ADGRB3: variants seen among roughly 807,000 people sequenced by gnomAD.
ADGRB3 encodes the protein adhesion G protein-coupled receptor B3.
Under a neutral mutation model 193.4 loss-of-function variants are expected in ADGRB3, and 37 were observed. The observed-to-expected ratio is 0.19, with a 90% CI of 0.15 to 0.25. ADGRB3 has a LOEUF of 0.25. ADGRB3 is among the 10% of genes least tolerant of loss of function. ADGRB3 has a pLI of 1.00. For missense variants in ADGRB3, 1,637 were observed against 1,852.9 expected (o/e 0.88, Z 2.14); for synonymous variants, 690 against 644.2 (o/e 1.07, Z -1.08).
At chr6:68,923,797 G>A (rs1181289969) in intron 3 of ADGRB3, among the ~76,000 whole-genome samples, 1 of 151,944 alleles carries the variant, frequency 6.6e-6, no homozygotes, top group Non-Finnish European at 1.5e-5. Flanking sequence ...TGGCAGAAAA[G>A]CAACCAAGCC....
chr6:69,038,204 C>G (rs1770929805), intron 13 of ADGRB3, among the ~76,000 whole-genome samples: 1 of 151,986 alleles, frequency 6.6e-6, no homozygotes, highest in East Asian at 1.9e-4. Context: ...TTGGGAAGCC[C>G]TTGTATTTTT....
chr6:69,011,909 A>T (rs1045064816), intron 11 of ADGRB3, among the ~76,000 whole-genome samples: 1 of 152,050 alleles, frequency 6.6e-6, no homozygotes, highest in Non-Finnish European at 1.5e-5. Context: ...AATAGTGAGA[A>T]CAAATAACTT....
chr6:68,977,394 A>G (rs1768781590), intron 10 of ADGRB3, among the ~76,000 whole-genome samples: 1 of 152,112 alleles, frequency 6.6e-6, no homozygotes, highest in African/African-American at 2.4e-5. Context: ...GAATAATTAC[A>G]GGGATTAAGT....
Position 69,233,324 on chromosome 6 carries a change from T to C in ADGRB3, c.2515T>C (p.Cys839Arg). The C allele has an allele frequency of 6.2e-7, 1 of 1,614,120 alleles. No individual in the cohort carries two copies. The highest frequency in any genetic ancestry group is 8.5e-7 in the Non-Finnish European group (1 of 1,180,020). The change falls in exon 18 of 32, where the codon TGT becomes CGT. Residue 839 changes from cysteine to arginine, a missense_variant. Physicochemically the swap from Cys to Arg is radical, Grantham distance 180. Coordinates refer to ENST00000370598, the MANE Select transcript of ADGRB3 (RefSeq NM_001704.3). ...TTTGGGAACGTGGTCCACCCAGGGATGTAAAACTGTGCTTACCGATGCATC... is the reference window on the plus strand; with the variant it reads ...TTTGGGAACGTGGTCCACCCAGGGACGTAAAACTGTGCTTACCGATGCATC... ...ESLGTWSTQG[C>R]KTVLTDASHT...
chr6:69,299,913 A>G (rs969724583), intron 20 of ADGRB3, among the ~76,000 whole-genome samples: 3 of 151,768 alleles, frequency 2.0e-5, no homozygotes, highest in Non-Finnish European at 4.4e-5. Flanking sequence ...TTCTATTTAT[A>G]TGAAGACTAT....
At chr6:68,810,577 A>G (rs563823267) in intron 3 of ADGRB3, among the ~76,000 whole-genome samples, 1 of 152,198 alleles carries the variant, frequency 6.6e-6, no homozygotes, top group African/African-American at 2.4e-5. Flanking sequence ...TCCAGGTCTT[A>G]GTTTTCTCCT....
In ADGRB3 at chr6:69,354,333, GT is replaced by G. The variant is rs542664193; in HGVS notation, c.3555+10del. The G allele has an allele frequency of 1.1e-3, 1,809 of 1,605,322 alleles. 1 individual carries two copies. Among genetic ancestry groups the G allele is most frequent in the Non-Finnish European group, 1.4e-3 (1,664 of 1,172,280 alleles). ...AATGGGCATGCTCAAATCATGGTGAGTTTTTATTTTTCCCCGATTGTTAATT... is the reference window on the plus strand; with the variant it reads ...AATGGGCATGCTCAAATCATGGTGAGTTTTATTTTTCCCCGATTGTTAATT... On this transcript the variant is annotated splice_donor_region_variant and intron_variant, in intron 27 of 31. Transcript: ENST00000370598.
At chr6:69,240,274 C>T (rs1373003220) in intron 20 of ADGRB3, among the ~76,000 whole-genome samples, 1 of 152,020 alleles carries the variant, frequency 6.6e-6, no homozygotes, top group African/African-American at 2.4e-5. Flanking sequence ...TCTTGGCCCA[C>T]ATTGCCCTAG....
At chr6:68,761,856 A>G (rs1186149532) in intron 3 of ADGRB3, among the ~76,000 whole-genome samples, 1 of 152,202 alleles carries the variant, frequency 6.6e-6, no homozygotes, top group Non-Finnish European at 1.5e-5. Flanking sequence ...GACCAATTAG[A>G]TAATGTGCAT....
chr6:69,125,699 C>A (rs1161845305), intron 17 of ADGRB3, among the ~76,000 whole-genome samples: 1 of 152,162 alleles, frequency 6.6e-6, no homozygotes, highest in Admixed American at 6.5e-5. Context: ...ACAGGCAAAG[C>A]CAATGTCTAA....
At chr6:68,770,436 G>A (rs1191436479) in intron 3 of ADGRB3, among the ~76,000 whole-genome samples, 1 of 151,858 alleles carries the variant, frequency 6.6e-6, no homozygotes, top group Non-Finnish European at 1.5e-5. Flanking sequence ...GAACAATTGG[G>A]AGACATGTCT....
At chr6:69,082,613 A>G (rs773471771) in intron 17 of ADGRB3, among the ~76,000 whole-genome samples, 1 of 152,016 alleles carries the variant, frequency 6.6e-6, no homozygotes, top group Non-Finnish European at 1.5e-5. Context: ...TAGAGTTTCC[A>G]TTTAATTACT....
chr6:68,860,922 C>T (rs960414495), intron 3 of ADGRB3, among the ~76,000 whole-genome samples: 1 of 152,086 alleles, frequency 6.6e-6, no homozygotes, highest in South Asian at 2.1e-4. Context: ...CTCTAAAACT[C>T]AACCAGTGGT....
At chr6:69,083,827 TGCAGTG>T (rs1315730229) in intron 17 of ADGRB3, among the ~76,000 whole-genome samples, 2 of 146,298 alleles carry the variant, frequency 1.4e-5, no homozygotes, top group African/African-American at 5.1e-5. Context: ...AAGGCTGGAG[TGCAGTG>T]GCACGATCTC....
At chr6:69,180,360 G>T (rs1775547123) in intron 17 of ADGRB3, among the ~76,000 whole-genome samples, 1 of 152,190 alleles carries the variant, frequency 6.6e-6, no homozygotes, top group South Asian at 2.1e-4. Flanking sequence ...CTATGCAAAG[G>T]AAGTGTGGGG....
intron 13 of ADGRB3, among the ~76,000 whole-genome samples, chr6:69,043,375 T>G (rs1369532081): frequency 1.4e-5 from 2 of 145,532 alleles, no homozygotes; most frequent in South Asian, 4.4e-4. Flanking sequence ...CTTATGTAAC[T>G]CCCAGGTGGT....
At chr6:68,735,599 G>A (rs1401286093) in intron 3 of ADGRB3, among the ~76,000 whole-genome samples, 2 of 151,930 alleles carry the variant, frequency 1.3e-5, no homozygotes, top group African/African-American at 4.8e-5. Flanking sequence ...TAAAATTTTT[G>A]GAACTTTTTA....
intron 3 of ADGRB3, among the ~76,000 whole-genome samples, chr6:68,907,519 C>T (rs889789560): frequency 1.1e-4 from 17 of 151,720 alleles, no homozygotes; most frequent in Admixed American, 3.3e-4. Context: ...ACTATGAGTT[C>T]GAGACATTTG....
chr6:68,885,579 TG>T (rs1765884985), intron 3 of ADGRB3, among the ~76,000 whole-genome samples: 1 of 152,172 alleles, frequency 6.6e-6, no homozygotes, highest in Non-Finnish European at 1.5e-5. Context: ...GAAGGACAAA[TG>T]CTGCATGATC....
Sources: allele counts gnomAD v4.1 joint callset (sites outside exome capture counted in the v4.1 genomes callset), GRCh38; gene constraint gnomAD v4.1.1; transcripts MANE v1.5; gene names NCBI Gene and HGNC (gene_info 2026-07-23, HGNC 2026-07-21).